Variants in GAK observed in about 807,000 individuals in gnomAD.
The protein encoded by GAK is cyclin G associated kinase.
In GAK, 79 loss-of-function variants were observed where a neutral mutation model predicts 143.9. The observed-to-expected ratio is 0.55, with a 90% CI of 0.46 to 0.66. The LOEUF is 0.66. Ranked by LOEUF, GAK falls within the 30% of genes least tolerant of loss-of-function variation. GAK has a pLI of 0.00. For synonymous variants in GAK, 881 were observed against 765.5 expected, an observed-to-expected ratio of 1.15 and a Z score of -2.49; for missense variants, 1,693 against 1,779.7, an observed-to-expected ratio of 0.95 and a Z score of 0.88.
intron 11 of GAK, chr4:887,934 AAC>A (rs1202246885): frequency 1.3e-5 from 2 of 152,206 alleles, no homozygotes; most frequent in Non-Finnish European, 2.9e-5. Context: ...TATGTATGTT[AAC>A]ACACCCATTC....
rs1415269352 is a variant in GAK, at chr4:851,829, T to C, written c.3429A>G (p.Thr1143=). The C allele has an allele frequency of 6.2e-7, 1 of 1,610,406 alleles. No homozygotes were observed. ...PQAKPPPKAC[T]QPRPNYASNF... ...TCGAGGCATAGTTAGGCCTTGGCTG[T>C]GTGCAGGCTTTGGGGGGCGGCTTGG... The change falls in exon 25 of 28, where the codon ACA becomes ACG. Residue 1143 remains threonine (T), a synonymous_variant. Transcript: ENST00000314167.
intron 14 of GAK, 104 bp from the exon 15 acceptor site, chr4:882,144 G>T: frequency 7.9e-7 from 1 of 1,268,820 alleles, no homozygotes. Context: ...AGGGACGCAG[G>T]GCTGTTCCTC....
At chr4:882,228 A>C (rs1715284841) in intron 14 of GAK, among the ~76,000 whole-genome samples, 188 bp from the exon 15 acceptor site, 1 of 152,202 alleles carries the variant, frequency 6.6e-6, no homozygotes, top group Admixed American at 6.5e-5. Context: ...ACAGAGACTG[A>C]AGGTTCCCTA....
chr4:859,743 A>G, intron 23 of GAK, 21 bp from the exon 24 acceptor site: 1 of 1,532,884 alleles, frequency 6.5e-7, no homozygotes, highest in Non-Finnish European at 8.9e-7. Context: ...GGCACAGGGC[A>G]TTAGAACAAG....
At chr4:896,908 C>T (rs1718914531) in intron 6 of GAK, among the ~76,000 whole-genome samples, 1 of 152,250 alleles carries the variant, frequency 6.6e-6, no homozygotes, top group South Asian at 2.1e-4. Flanking sequence ...AGAGTGGCCG[C>T]ACCCAGAGCA....
chr4:874,696 C>G (rs889851996), intron 18 of GAK, among the ~76,000 whole-genome samples: 3 of 151,738 alleles, frequency 2.0e-5, no homozygotes, highest in Admixed American at 2.0e-4. Context: ...TCCTCTTTGG[C>G]GTCTGCAGAG....
At chr4:884,185 G>T in intron 11 of GAK, 99 bp from the exon 12 acceptor site, 3 of 1,044,062 alleles carry the variant, frequency 2.9e-6, no homozygotes, top group Non-Finnish European at 1.5e-6. Flanking sequence ...AAGCCGTGGG[G>T]CTCTCACTGT....
intron 19 of GAK, among the ~76,000 whole-genome samples, chr4:870,435 G>A (rs184734695): frequency 1.3e-5 from 2 of 152,296 alleles, no homozygotes; most frequent in Non-Finnish European, 2.9e-5. Flanking sequence ...ACAAAACCCC[G>A]CTTCGCTCCA....
chr4:902,596 C>CAAAAAAAAAA (rs768017849), intron 5 of GAK, among the ~76,000 whole-genome samples: 845 of 60,656 alleles, frequency 0.014, 107 homozygotes, highest in African/African-American at 0.061. Flanking sequence ...GTGACTGACT[C>CAAAAAAAAAA]AAAAAAAAAA....
At chr4:889,919 C>G (rs570744724) in intron 10 of GAK, among the ~76,000 whole-genome samples, 25 of 152,352 alleles carry the variant, frequency 1.6e-4, no homozygotes, top group African/African-American at 6.0e-4. Flanking sequence ...CAGGTGCCCA[C>G]TCCTCATGCG....
At chr4:859,486 T>C in intron 24 of GAK, 120 bp downstream of exon 24, 1 of 1,601,534 alleles carries the variant, frequency 6.2e-7, no homozygotes, top group South Asian at 1.1e-5. Flanking sequence ...TGCTCTGGGC[T>C]TGGGGGTCTT....
rs1232805022 is a variant in GAK, at chr4:849,990, C to T, written c.3736G>A (p.Glu1246Lys). Residue 1246 changes from glutamate to lysine, a missense_variant, in exon 27 of 28, where the codon GAG becomes AAG. Transcript: ENST00000314167. ...ATGCCCACGGGCGTCCAGCGGCTCT[C>T]CCCGTCCCACAGCACTGTGTGCAGC... ...STLHTVLWDGESRWTPVGMAD... is the reference protein window; with the variant it reads ...STLHTVLWDGKSRWTPVGMAD... 1 of 1,611,446 alleles carries T rather than the reference C, an allele frequency of 6.2e-7. No individual in the cohort carries two copies. Among genetic ancestry groups the T allele is most frequent in the Non-Finnish European group, 8.5e-7 (1 of 1,179,260 alleles).
chr4:888,544 G>A (rs1280805643), intron 11 of GAK: 12 of 363,208 alleles, frequency 3.3e-5, no homozygotes, highest in South Asian at 2.5e-4. Flanking sequence ...ACAGAGTCCC[G>A]GGAACAAGCC....
chr4:868,397 A>T, intron 20 of GAK, 142 bp downstream of exon 20: 1 of 697,570 alleles, frequency 1.4e-6, no homozygotes, highest in Non-Finnish European at 2.3e-6. Flanking sequence ...GAACAGGCTG[A>T]CATGCCGGGT....
At chr4:881,553 G>T (rs1715106279) in intron 15 of GAK, among the ~76,000 whole-genome samples, 1 of 152,228 alleles carries the variant, frequency 6.6e-6, no homozygotes, top group Non-Finnish European at 1.5e-5. Flanking sequence ...TGTCTGAGCA[G>T]CGTCAGGTGC....
At chr4:898,252 T>G in intron 5 of GAK, 94 bp from the exon 6 acceptor site, 6 of 1,449,932 alleles carry the variant, frequency 4.1e-6, no homozygotes, top group Non-Finnish European at 5.7e-6. Context: ...GCCAGGGCCC[T>G]TCGCAGACAG....
chr4:926,670 A>G (rs994228678), intron 1 of GAK, among the ~76,000 whole-genome samples: 5 of 152,174 alleles, frequency 3.3e-5, no homozygotes, highest in African/African-American at 1.2e-4. Context: ...AAGTGGACAA[A>G]TGTTGATGAT....
chr4:892,066 C>T (rs752440567), intron 9 of GAK, among the ~76,000 whole-genome samples: 4 of 152,124 alleles, frequency 2.6e-5, no homozygotes, highest in Non-Finnish European at 5.9e-5. Flanking sequence ...TCTGTACCCA[C>T]GCGGCCCCCA....
At chr4:852,101 G>T in intron 24 of GAK, 127 bp from the exon 25 acceptor site, 1 of 849,682 alleles carries the variant, frequency 1.2e-6, no homozygotes, top group Non-Finnish European at 1.9e-6. Flanking sequence ...GATCACTCGA[G>T]GCCGTCCAGA....
Sources: gnomAD v4.1 joint callset for allele counts (sites outside exome capture counted in the v4.1 genomes callset) on GRCh38, gnomAD v4.1.1 for gene constraint, MANE v1.5 for transcripts, NCBI Gene and HGNC (gene_info 2026-07-23, HGNC 2026-07-21) for gene names.